Variants in RAD51AP2 observed in about 807,000 individuals in gnomAD.
The protein encoded by RAD51AP2 is RAD51-associated protein 2.
In RAD51AP2, 67 loss-of-function variants were observed where a neutral mutation model predicts 85.5. The observed-to-expected ratio is 0.78, with a 90% CI of 0.64 to 0.96. The LOEUF is 0.96. Among genes scored for constraint, RAD51AP2 ranks in the 40% least tolerant of loss-of-function variants. The pLI is 0.00. For missense variants in RAD51AP2, 1,307 were observed against 1,332.4 expected (o/e 0.98, Z 0.30); for synonymous variants, 474 against 446.5 (o/e 1.06, Z -0.78).
chr2:17,513,291 G>A (rs1034059103), intron 2 of RAD51AP2, among the ~76,000 whole-genome samples: 5 of 139,808 alleles, frequency 3.6e-5, no homozygotes, highest in African/African-American at 1.3e-4. Context: ...AGGCTGGAGT[G>A]CAGTGGCTCA....
intron 2 of RAD51AP2, among the ~76,000 whole-genome samples, chr2:17,511,201 G>T (rs1019095278): frequency 6.6e-6 from 1 of 152,166 alleles, no homozygotes; most frequent in African/African-American, 2.4e-5. Flanking sequence ...AATAAAGTCA[G>T]CATTCCAATC....
intron 1 of RAD51AP2, among the ~76,000 whole-genome samples, chr2:17,514,538 G>GA (rs371390663): frequency 1.3e-5 from 2 of 151,828 alleles, no homozygotes; most frequent in Non-Finnish European, 2.9e-5. Flanking sequence ...GAGGGCGGCG[G>GA]GGGGGGTGGA....
In RAD51AP2 at chr2:17,518,183, G is replaced by C; in HGVS notation, c.233C>G (p.Thr78Arg). The change falls in exon 1 of 3, where the codon ACG (threonine) becomes AGG (arginine). Residue 78 changes from threonine (T) to arginine (R), a missense_variant. Coordinates refer to ENST00000399080, the MANE Select transcript of RAD51AP2 (RefSeq NM_001099218.3). ...PRPFKGLLVSTNAIFDNSTDS... is the reference protein window; with the variant it reads ...PRPFKGLLVSRNAIFDNSTDS... ...TGTGGAGTTATCGAAAATAGCATTCGTTGAAACAAGGAGTCCCTTGAAGGG... is the reference window on the plus strand; with the variant it reads ...TGTGGAGTTATCGAAAATAGCATTCCTTGAAACAAGGAGTCCCTTGAAGGG... 3 of 1,614,144 alleles carry C rather than the reference G, an allele frequency of 1.9e-6. No homozygotes were observed. Among genetic ancestry groups the C allele is most frequent in the South Asian group, 1.1e-5 (1 of 91,076 alleles).
upstream of RAD51AP2, among the ~76,000 whole-genome samples, chr2:17,522,970 C>T (rs1392462400): frequency 6.6e-6 from 1 of 151,682 alleles, no homozygotes; most frequent in African/African-American, 2.4e-5. Context: ...ATTTTATATC[C>T]TGAAAGAAAT....
the RAD51AP2 span, among the ~76,000 whole-genome samples, chr2:17,527,165 G>C: frequency 2.0e-5 from 3 of 151,978 alleles, no homozygotes; most frequent in Non-Finnish European, 4.4e-5. Flanking sequence ...TGAGTGGTGT[G>C]TTCATTTTGT....
rs750860574 is a variant in RAD51AP2 at position 17,518,391 on chromosome 2, G to A, written c.25C>T (p.Arg9Trp). The A allele has an allele frequency of 2.0e-5, 32 of 1,612,886 alleles. No individual in the cohort carries two copies. Among genetic ancestry groups the A allele is most frequent in the Admixed American group, 3.3e-5 (2 of 59,966 alleles). MSLPQPTP[R>W]MAELRKPTSS... ...GTAGGCTTTCTGAGCTCGGCCATCC[G>A]CGGCGTGGGCTGAGGGAGAGACATG... Residue 9 changes from arginine to tryptophan, a missense_variant, in exon 1 of 3, where the codon CGG becomes TGG. Physicochemically the swap from Arg to Trp is moderately radical, Grantham distance 101 (BLOSUM62 -3). Around this residue, in one of 3 missense-constraint regions of RAD51AP2, gnomAD observed 635 missense variants for 643.6 expected, o/e 0.99. Coordinates refer to ENST00000399080, the MANE Select transcript of RAD51AP2 (RefSeq NM_001099218.3).
upstream of RAD51AP2, among the ~76,000 whole-genome samples, chr2:17,521,669 A>G (rs1393751868): frequency 6.6e-6 from 1 of 152,070 alleles, no homozygotes; most frequent in Non-Finnish European, 1.5e-5. Flanking sequence ...GATACTGTGT[A>G]CATTTATTTG....
upstream of RAD51AP2, chr2:17,518,483 C>A: frequency 3.2e-6 from 5 of 1,541,420 alleles, no homozygotes; most frequent in East Asian, 2.2e-5. Context: ...CGGTTCCGGG[C>A]CGCTCTGGTC....
chr2:17,517,516 T>C lies in RAD51AP2; in HGVS notation c.900A>G (p.Gln300=). The change falls in exon 1 of 3, where the codon CAA becomes CAG. Residue 300 remains glutamine (Q), a synonymous_variant. Transcript: ENST00000399080. ...VRDFTNIYWS[Q]NRPDVKKQKL... ...TTTGCTTCTTAACATCAGGTCTATT[T>C]TGGGACCAGTAAATGTTTGTGAAAT... 6.2e-7 allele frequency: 1 copy of C among 1,613,878 alleles called. No homozygotes were observed. The highest frequency in any genetic ancestry group is 2.2e-5 in the East Asian group (1 of 44,866).
the RAD51AP2 span, among the ~76,000 whole-genome samples, chr2:17,533,582 T>A: frequency 1.3e-5 from 2 of 152,240 alleles, no homozygotes; most frequent in Admixed American, 1.3e-4. Flanking sequence ...TAGTTATGAC[T>A]CTTCTAGTCC....
Position 17,516,938 on chromosome 2 carries a change from T to C in RAD51AP2, c.1478A>G (p.Tyr493Cys). The change falls in exon 1 of 3, where the codon TAC becomes TGC. Residue 493 changes from tyrosine to cysteine, a missense_variant. Transcript: ENST00000399080. ...ATGAAAGACTTTTTGTGTAGTATTG[T>C]ATCTCAACTGTAGAGTATTATCATT... ...GENDNTLQLR[Y>C]NTTQKVFHVN... The C allele has an allele frequency of 6.3e-7, 1 of 1,599,474 alleles. No individual in the cohort carries two copies. Among genetic ancestry groups the C allele is most frequent in the Non-Finnish European group, 8.5e-7 (1 of 1,175,310 alleles).
chr2:17,518,639 G>T (rs1448141125), upstream of RAD51AP2, among the ~76,000 whole-genome samples: 4 of 148,356 alleles, frequency 2.7e-5, no homozygotes, highest in East Asian at 6.2e-4. Flanking sequence ...ACGCGCCCCG[G>T]TTGTCTCACC....
chr2:17,521,589 G>A (rs971831061), upstream of RAD51AP2, among the ~76,000 whole-genome samples: 1 of 151,964 alleles, frequency 6.6e-6, no homozygotes, highest in Non-Finnish European at 1.5e-5. Flanking sequence ...AATAAATATG[G>A]CTATAAATAA....
chr2:17,529,021 ATCTAGAAATTCCCTG>A, the RAD51AP2 span, among the ~76,000 whole-genome samples: 3 of 152,180 alleles, frequency 2.0e-5, no homozygotes, highest in African/African-American at 7.2e-5. Context: ...AGTCATACAA[ATCTAGAAATTCCCTG>A]TCAAGTCTTA....
At chr2:17,531,157 AG>A in the RAD51AP2 span, among the ~76,000 whole-genome samples, 6 of 152,222 alleles carry the variant, frequency 3.9e-5, no homozygotes, top group Non-Finnish European at 5.9e-5. Flanking sequence ...TAGTAAGTTT[AG>A]TCAGCTGATC....
chr2:17,516,364 T>C lies in RAD51AP2; in HGVS notation c.2052A>G (p.Thr684=), dbSNP rs987608945. 1.2e-6 allele frequency: 2 copies of C among 1,611,786 alleles called. No homozygotes were observed. The highest frequency in any genetic ancestry group is 2.2e-5 in the East Asian group (1 of 44,814). The part of the protein sequence containing the change: ...TQNTGFPIFE[T]YEKIPLLMDF... ...CCATTAAAAGGGGAATTTTTTCATATGTTTCAAAAATCGGAAAACCTGTAT... is the reference window on the plus strand; with the variant it reads ...CCATTAAAAGGGGAATTTTTTCATACGTTTCAAAAATCGGAAAACCTGTAT... Residue 684 remains threonine, a synonymous_variant, in exon 1 of 3, where the codon ACA becomes ACG. Coordinates refer to ENST00000399080, the MANE Select transcript of RAD51AP2 (RefSeq NM_001099218.3).
chr2:17,515,754 T>A lies in RAD51AP2; in HGVS notation c.2662A>T (p.Asn888Tyr). The part of the protein sequence containing the change: ...LISKEVNVEE[N>Y]KYVNQNYVTN... ...ACATAATTTTGATTAACATATTTATTTTCTTCCACATTTACTTCCTTACTT... is the reference window on the plus strand; with the variant it reads ...ACATAATTTTGATTAACATATTTATATTCTTCCACATTTACTTCCTTACTT... Residue 888 changes from asparagine (N) to tyrosine (Y), a missense_variant, in exon 1 of 3, where the codon AAT becomes TAT. By Grantham distance (143) the Asn-to-Tyr change is moderately radical. This residue lies in a region of RAD51AP2 where 668 missense variants were observed against 671.0 expected (regional missense o/e 1.00). Transcript: ENST00000399080. The A allele has an allele frequency of 6.3e-7, 1 of 1,596,932 alleles. No individual in the cohort carries two copies. The highest frequency in any genetic ancestry group is 8.5e-7 in the Non-Finnish European group (1 of 1,171,572).
the RAD51AP2 span, among the ~76,000 whole-genome samples, chr2:17,529,051 T>C: frequency 2.0e-5 from 3 of 152,268 alleles, no homozygotes; most frequent in South Asian, 2.1e-4. Context: ...GTCTTATGTG[T>C]TTTCTTTCAT....
Position 17,518,315 on chromosome 2 carries a change from T to G in RAD51AP2, c.101A>C (p.Lys34Thr), listed in dbSNP as rs1662758770. ...TCCAGGCTCCTCAAGACAGAGCCGC[T>G]TGCTACTAGGTGGTTGGGAATCCGG... ...EDPDSQPPSSKRLCLEEPGGV... is the reference protein window; with the variant it reads ...EDPDSQPPSSTRLCLEEPGGV... Residue 34 changes from lysine (K) to threonine (T), a missense_variant, in exon 1 of 3, where the codon AAG becomes ACG. Lys to Thr is a moderately conservative substitution (Grantham distance 78). Coordinates refer to ENST00000399080, the MANE Select transcript of RAD51AP2 (RefSeq NM_001099218.3). 6.2e-7 allele frequency: 1 copy of G among 1,613,914 alleles called. No individual in the cohort carries two copies. The highest frequency in any genetic ancestry group is 1.3e-5 in the African/African-American group (1 of 74,890).
Sources: gnomAD v4.1 joint callset for allele counts (sites outside exome capture counted in the v4.1 genomes callset) on GRCh38, gnomAD v4.1.1 for gene constraint, gnomAD v4.1.1 regional missense constraint, MANE v1.5 for transcripts, NCBI Gene and HGNC (gene_info 2026-07-23, HGNC 2026-07-21) for gene names.